The following URB1 variants were observed in gnomAD, a reference collection of about 807,000 sequenced individuals.
URB1 encodes nucleolar pre-ribosomal-associated protein 1.
In URB1, 197 loss-of-function variants were observed where a neutral mutation model predicts 242.3. The observed-to-expected ratio is 0.81, with a 90% CI of 0.72 to 0.91. URB1 has a LOEUF of 0.91. URB1 is among the 40% of genes least tolerant of loss of function. The pLI is 0.00. For missense variants in URB1, 2,721 were observed against 2,860.5 expected (o/e 0.95, Z 1.11); for synonymous variants, 1,153 against 1,201.8 (o/e 0.96, Z 0.84).
At chr21:32,372,232 C>T (rs187773022) in intron 8 of URB1, among the ~76,000 whole-genome samples, 5 of 152,366 alleles carry the variant, frequency 3.3e-5, no homozygotes, top group African/African-American at 4.8e-5. Flanking sequence ...CTCCAGCTGA[C>T]GAACACTGTC....
intron 38 of URB1, among the ~76,000 whole-genome samples, chr21:32,316,048 T>C (rs956456017): frequency 2.0e-5 from 3 of 152,250 alleles, no homozygotes; most frequent in Non-Finnish European, 4.4e-5. Context: ...TGAAGCTCTA[T>C]GTGCACACAC....
intron 24 of URB1, 139 bp from the exon 25 acceptor site, chr21:32,341,663 G>A (rs528249643): frequency 3.0e-5 from 22 of 726,840 alleles, no homozygotes; most frequent in Non-Finnish European, 4.7e-5. Flanking sequence ...TGATCAAAGG[G>A]TTGAAAAGAG....
rs1408156076 is a variant in URB1, at chr21:32,334,264, G to A, written c.4756C>T (p.Gln1586Ter). ...TCRSLGRSLWQQPSVGDILRL... is the reference protein window; with the variant it reads ...TCRSLGRSLW ...AGGATGTCCCCGACACTCGGCTGCT[G>A]CCACAGTGACCTGCCCAGGCTCCGG... The change falls in exon 29 of 39, where the codon CAG becomes TAG. Residue 1586 changes from glutamine (Q) to a stop codon, truncating the protein, a stop_gained. Coordinates refer to ENST00000382751, the MANE Select transcript of URB1 (RefSeq NM_014825.3). LOFTEE classifies it high-confidence loss of function. The A allele has an allele frequency of 6.4e-7, 1 of 1,551,462 alleles. No individual in the cohort carries two copies.
chr21:32,319,893 G>A (rs1054097478), intron 35 of URB1, among the ~76,000 whole-genome samples: 6 of 152,030 alleles, frequency 3.9e-5, no homozygotes, highest in African/African-American at 1.2e-4. Context: ...TGCACAAAAG[G>A]GCCTGCATTC....
intron 26 of URB1, among the ~76,000 whole-genome samples, chr21:32,338,018 A>G (rs1471081126): frequency 2.0e-5 from 3 of 152,144 alleles, no homozygotes; most frequent in Non-Finnish European, 2.9e-5. Context: ...TGAATGGTGG[A>G]GCCCTTTTAG....
chr21:32,321,442 A>G (rs866301671), intron 34 of URB1, among the ~76,000 whole-genome samples: 43 of 152,290 alleles, frequency 2.8e-4, no homozygotes, highest in Middle Eastern at 3.4e-3. Context: ...AGTCACTGAC[A>G]GGGGGTTTCT....
rs992486086 is a variant in URB1, at chr21:32,366,727, C to T, written c.1226G>A (p.Arg409Gln). Residue 409 changes from arginine to glutamine, a missense_variant, in exon 10 of 39, where the codon CGG becomes CAG. Arg to Gln is a conservative substitution (Grantham distance 43, BLOSUM62 1). Coordinates refer to ENST00000382751, the MANE Select transcript of URB1 (RefSeq NM_014825.3). Reference protein sequence around the residue: ...KIYEAQPEISRAFQTREFIPL... With the variant: ...KIYEAQPEISQAFQTREFIPL... Reference sequence around the variant, plus strand: ...TATAAACTCTCTGGTCTGAAATGCCCGGGAAATCTCCGGCTGAGCCTCATA... The same window carrying T: ...TATAAACTCTCTGGTCTGAAATGCCTGGGAAATCTCCGGCTGAGCCTCATA... 20 of 1,551,276 alleles carry T rather than the reference C, an allele frequency of 1.3e-5. No homozygotes were observed. The highest frequency in any genetic ancestry group is 3.9e-5 in the Admixed American group (2 of 50,958).
intron 18 of URB1, 104 bp from the exon 19 acceptor site, chr21:32,353,010 T>G (rs963180039): frequency 8.3e-6 from 10 of 1,201,024 alleles, no homozygotes; most frequent in Middle Eastern, 2.3e-4. Flanking sequence ...CCTGAAAAAT[T>G]CATGCAACTC....
chr21:32,371,105 C>A (rs2033401862), intron 8 of URB1, among the ~76,000 whole-genome samples: 1 of 152,198 alleles, frequency 6.6e-6, no homozygotes, highest in African/African-American at 2.4e-5. Context: ...CCGGGAAGGC[C>A]TCCCTGAAGT....
intron 32 of URB1, among the ~76,000 whole-genome samples, chr21:32,324,283 C>T (rs1451125149): frequency 6.6e-6 from 1 of 152,234 alleles, no homozygotes; most frequent in Non-Finnish European, 1.5e-5. Context: ...CCCCAGGGGT[C>T]CATGACGAGC....
At position 32,368,534 on chromosome 21, in the gene URB1, C is replaced by A; in HGVS notation, c.1066G>T (p.Val356Leu). Residue 356 changes from valine to leucine, a missense_variant, in exon 9 of 39, where the codon GTG (valine) becomes TTG (leucine). Val to Leu is a conservative substitution (Grantham distance 32). Transcript: ENST00000382751. Reference sequence around the variant, plus strand: ...AGGATGTTTACCACAAGGTCAGCCACCAGATCATCATCAGCTGCAGTTTTC... The same window carrying A: ...AGGATGTTTACCACAAGGTCAGCCAACAGATCATCATCAGCTGCAGTTTTC... Reference protein sequence around the residue: ...GLKTAADDDLVADLVVNILKV... With the variant: ...GLKTAADDDLLADLVVNILKV... The A allele has an allele frequency of 6.4e-7, 1 of 1,551,720 alleles. No individual in the cohort carries two copies. Among genetic ancestry groups the A allele is most frequent in the Non-Finnish European group, 8.7e-7 (1 of 1,147,014 alleles).
At chr21:32,387,710 A>C (rs1601161688) in intron 1 of URB1, among the ~76,000 whole-genome samples, 1 of 152,174 alleles carries the variant, frequency 6.6e-6, no homozygotes, top group South Asian at 2.1e-4. Context: ...TAAGAAATAC[A>C]CTACAGTCTT....
At chr21:32,339,979 C>G (rs2033010251) in intron 25 of URB1, among the ~76,000 whole-genome samples, 1 of 152,306 alleles carries the variant, frequency 6.6e-6, no homozygotes, top group Admixed American at 6.5e-5. Context: ...CAGAAGCCTT[C>G]TATGTCCTAA....
chr21:32,391,369 T>TAA (rs71963938), intron 1 of URB1, among the ~76,000 whole-genome samples: 3,029 of 148,800 alleles, frequency 0.02, 90 homozygotes, highest in African/African-American at 0.07. Flanking sequence ...AAAGTATGAT[T>TAA]AAAAAAAAAA....
chr21:32,384,333 G>A lies in URB1; in HGVS notation c.414C>T (p.Ser138=). ...MNNHMKLICE[S]LYASGYRLAR... is the part of the protein sequence containing the mutation. Reference sequence around the variant, plus strand: ...CCTACCTGTAACCTGAGGCATACAGGGACTCACAGATGAGCTTCATGTGGT... The same window carrying A: ...CCTACCTGTAACCTGAGGCATACAGAGACTCACAGATGAGCTTCATGTGGT... The change falls in exon 3 of 39, where the codon TCC becomes TCT. Residue 138 remains serine, a synonymous_variant. Coordinates refer to ENST00000382751, the MANE Select transcript of URB1 (RefSeq NM_014825.3). The A allele has an allele frequency of 6.4e-7, 1 of 1,552,144 alleles. No individual in the cohort carries two copies. The highest frequency in any genetic ancestry group is 8.7e-7 in the Non-Finnish European group (1 of 1,146,970).
Position 32,349,294 on chromosome 21 carries a change from G to A in URB1, c.3012+10C>T, listed in dbSNP as rs1263206196. The A allele has an allele frequency of 1.3e-6, 2 of 1,525,904 alleles. No homozygotes were observed. Among genetic ancestry groups the A allele is most frequent in the Non-Finnish European group, 1.8e-6 (2 of 1,134,092 alleles). The allele number at this position is 1,525,904 out of a possible 1,614,324, so 94.5% of individuals were successfully genotyped here. A position where few individuals can be genotyped will look rare whatever the true frequency, so the allele number is the denominator to read the frequency against. On this transcript the variant is annotated intron_variant, in intron 21 of 38. Transcript: ENST00000382751. ...CTGAGAATAGGCTACCAGGCAACCT[G>A]TGGCGGTACCTGATCATTGGCCAAC...
At position 32,311,774 on chromosome 21, in the gene URB1, A is replaced by ACC; in HGVS notation, c.*3142_*3143dup. ...AGAAGTGCCTGCCGTGCCACAGGGA[A>ACC]CCCCTGGCAACCTCACAGGCTCAGG... On this transcript the variant is annotated 3_prime_UTR_variant, in exon 39 of 39. Transcript: ENST00000382751. The ACC allele has an allele frequency of 6.2e-7, 1 of 1,614,048 alleles. No individual in the cohort carries two copies. The highest frequency in any genetic ancestry group is 8.5e-7 in the Non-Finnish European group (1 of 1,179,992).
intron 2 of URB1, among the ~76,000 whole-genome samples, chr21:32,384,940 C>T (rs1021582659): frequency 2.4e-4 from 37 of 152,104 alleles, no homozygotes; most frequent in African/African-American, 8.7e-4. Flanking sequence ...GAGACTGCGC[C>T]ACTGCACTCC....
intron 1 of URB1, among the ~76,000 whole-genome samples, chr21:32,388,516 T>C (rs1449754798): frequency 6.6e-6 from 1 of 152,228 alleles, no homozygotes; most frequent in Non-Finnish European, 1.5e-5. Flanking sequence ...GTGCATCTGC[T>C]ATGCCAGGCG....
Sources: allele counts gnomAD v4.1 joint callset (sites outside exome capture counted in the v4.1 genomes callset), GRCh38; gene constraint gnomAD v4.1.1; transcripts MANE v1.5; gene names NCBI Gene and HGNC (gene_info 2026-07-23, HGNC 2026-07-21).